Variants in NMNAT1 observed in about 807,000 individuals in gnomAD.
NMNAT1 encodes the protein nicotinamide/nicotinic acid mononucleotide adenylyltransferase 1.
Under a neutral mutation model 16.7 loss-of-function variants are expected in NMNAT1, and 11 were observed. That is an observed-to-expected ratio of 0.66 (90% confidence interval 0.41 to 1.09). The LOEUF is 1.09. Among genes scored for constraint, NMNAT1 ranks in the 50% least tolerant of loss-of-function variants. NMNAT1 has a pLI of 0.00. For missense variants in NMNAT1, 280 were observed against 332.3 expected, an observed-to-expected ratio of 0.84 and a Z score of 1.22; for synonymous variants, 110 against 119.8, an observed-to-expected ratio of 0.92 and a Z score of 0.53.
downstream of NMNAT1, among the ~76,000 whole-genome samples, chr1:9,988,226 C>T (rs1219197106): frequency 6.6e-6 from 1 of 152,060 alleles, no homozygotes; most frequent in Non-Finnish European, 1.5e-5. Flanking sequence ...TCAAACTGAC[C>T]TCAAATGATC....
chr1:9,980,231 C>T (rs1011348623), intron 3 of NMNAT1, among the ~76,000 whole-genome samples: 1 of 151,816 alleles, frequency 6.6e-6, no homozygotes, highest in African/African-American at 2.4e-5. Context: ...CACGCCCAGT[C>T]GAGAAGATTT....
intron 1 of NMNAT1, among the ~76,000 whole-genome samples, chr1:9,945,579 A>G (rs1328802610): frequency 6.6e-6 from 1 of 152,162 alleles, no homozygotes; most frequent in Non-Finnish European, 1.5e-5. Flanking sequence ...GTATGCCTGT[A>G]GTTCCAGCTA....
intron 1 of NMNAT1, among the ~76,000 whole-genome samples, chr1:9,954,798 G>A (rs964511984): frequency 9.2e-5 from 14 of 151,628 alleles, no homozygotes; most frequent in African/African-American, 1.5e-4. Context: ...TCGTGTGGTG[G>A]CGCGTGCCTG....
intron 4 of NMNAT1, 153 bp downstream of exon 4, chr1:9,981,323 C>G (rs1359900726): frequency 8.0e-7 from 1 of 1,251,364 alleles, no homozygotes; most frequent in Non-Finnish European, 1.1e-6. Flanking sequence ...CAAGCTCTGC[C>G]TCCTGGGTTC....
At chr1:9,944,039 G>T (rs555433967) in intron 1 of NMNAT1, among the ~76,000 whole-genome samples, 3 of 152,150 alleles carry the variant, frequency 2.0e-5, no homozygotes, top group African/African-American at 7.2e-5. Flanking sequence ...CGGATCACGA[G>T]GTCAGGAGTT....
At chr1:9,975,183 C>G (rs1641777748) in intron 2 of NMNAT1, among the ~76,000 whole-genome samples, 1 of 152,008 alleles carries the variant, frequency 6.6e-6, no homozygotes, top group Admixed American at 6.6e-5. Flanking sequence ...GCTGGAATCC[C>G]TAAAGAAAGA....
chr1:9,970,226 T>C (rs1428470450), intron 1 of NMNAT1, among the ~76,000 whole-genome samples: 1 of 152,060 alleles, frequency 6.6e-6, no homozygotes, highest in African/African-American at 2.4e-5. Flanking sequence ...AGAAATGGCA[T>C]TATAAGCACA....
At chr1:9,976,014 C>T (rs1030569079) in intron 3 of NMNAT1, among the ~76,000 whole-genome samples, 10 of 152,072 alleles carry the variant, frequency 6.6e-5, no homozygotes, top group Admixed American at 3.9e-4. Flanking sequence ...CGGCCAGGCG[C>T]GGTGGCTCAC....
intron 1 of NMNAT1, among the ~76,000 whole-genome samples, chr1:9,948,651 A>AT (rs748173364): frequency 0.021 from 3,086 of 144,108 alleles, 109 homozygotes; most frequent in Admixed American, 0.096. Context: ...ATACTTCAGA[A>AT]TTTTTTTTTT....
intron 1 of NMNAT1, among the ~76,000 whole-genome samples, chr1:9,964,929 C>CAAAA (rs775381643): frequency 1.8e-4 from 6 of 33,354 alleles, no homozygotes; most frequent in Admixed American, 4.1e-4. Context: ...ACCTGGGCGA[C>CAAAA]AAAAAAAAAA....
chr1:9,976,526 G>T (rs1234038702), intron 3 of NMNAT1, among the ~76,000 whole-genome samples: 1 of 152,166 alleles, frequency 6.6e-6, no homozygotes, highest in East Asian at 1.9e-4. Flanking sequence ...TTCCATGACA[G>T]CATCTGGGCA....
At chr1:9,957,693 A>G (rs190574747) in intron 1 of NMNAT1, among the ~76,000 whole-genome samples, 22 of 152,340 alleles carry the variant, frequency 1.4e-4, no homozygotes, top group Admixed American at 1.4e-3. Context: ...TATTTTACAC[A>G]GACTTTCTGT....
intron 1 of NMNAT1, among the ~76,000 whole-genome samples, chr1:9,971,460 C>A (rs1351467354): frequency 6.6e-6 from 1 of 151,958 alleles, no homozygotes; most frequent in African/African-American, 2.4e-5. Flanking sequence ...ATTACAGGTG[C>A]CTGTCACCAC....
At chr1:9,949,801 A>G (rs2101638826) in intron 1 of NMNAT1, 1 of 152,116 alleles carries the variant, frequency 6.6e-6, no homozygotes, top group East Asian at 1.9e-4. Context: ...GTTTAAATAC[A>G]CAATCTGAAT....
chr1:9,981,171 G>A lies in NMNAT1; in HGVS notation c.439+1G>A. On this transcript the variant is annotated splice_donor_variant, in intron 4 of 4. Transcript: ENST00000377205. LOFTEE classifies it high-confidence loss of function. The stretch of plus-strand genomic sequence containing the variant: ...AAATCCCTAGAGCCAAAAACAAAAG[G>A]TTTGTATGTTTTAGCAGGACCCACG... The A allele has an allele frequency of 1.2e-6, 2 of 1,608,418 alleles. No homozygotes were observed. The highest frequency in any genetic ancestry group is 2.2e-5 in the South Asian group (2 of 90,078).
downstream of NMNAT1, among the ~76,000 whole-genome samples, chr1:9,986,495 G>T (rs777095280): frequency 5.3e-5 from 8 of 152,162 alleles, no homozygotes; most frequent in African/African-American, 1.4e-4. Flanking sequence ...ACTTTGGAAG[G>T]CCAAGGTGGA....
intron 1 of NMNAT1, among the ~76,000 whole-genome samples, chr1:9,970,778 C>T (rs1055878225): frequency 2.0e-5 from 3 of 151,506 alleles, no homozygotes; most frequent in Non-Finnish European, 4.4e-5. Context: ...AGTGGAATAA[C>T]TGATATGAAA....
intron 1 of NMNAT1, chr1:9,951,213 G>T (rs2101642020): frequency 6.6e-6 from 1 of 152,264 alleles, no homozygotes; most frequent in South Asian, 2.1e-4. Flanking sequence ...TGGTTACTTG[G>T]GAAGTTTTCT....
At chr1:9,995,100 G>T in the NMNAT1 span, among the ~76,000 whole-genome samples, 1 of 150,634 alleles carries the variant, frequency 6.6e-6, no homozygotes, top group South Asian at 2.2e-4. Flanking sequence ...GTCATAAATT[G>T]ACATATAAAT....
Sources: allele counts gnomAD v4.1 joint callset (sites outside exome capture counted in the v4.1 genomes callset), GRCh38; gene constraint gnomAD v4.1.1; transcripts MANE v1.5; gene names NCBI Gene and HGNC (gene_info 2026-07-23, HGNC 2026-07-21).